The following CNDP1 variants were observed in gnomAD, a reference collection of about 807,000 sequenced individuals.
CNDP1 encodes carnosine dipeptidase 1.
A neutral mutation model predicts 58.1 loss-of-function variants in CNDP1; 44 were observed. That is an observed-to-expected ratio of 0.76 (90% CI 0.60 to 0.97). CNDP1 has a LOEUF of 0.97. Among genes scored for constraint, CNDP1 ranks in the 50% least tolerant of loss-of-function variants. The pLI is 0.00. For synonymous variants in CNDP1, 254 were observed against 252.6 expected (o/e 1.01, Z -0.05); for missense variants, 616 against 655.1 (o/e 0.94, Z 0.65).
intron 5 of CNDP1, among the ~76,000 whole-genome samples, chr18:74,563,228 A>G (rs370528722): frequency 6.6e-6 from 1 of 152,166 alleles, no homozygotes; most frequent in African/African-American, 2.4e-5. Context: ...CACCTCAGGA[A>G]ATCAGCACAG....
intron 4 of CNDP1, 78 bp downstream of exon 4, chr18:74,561,096 T>A (rs1981185066): frequency 6.5e-7 from 1 of 1,536,258 alleles, no homozygotes; most frequent in Non-Finnish European, 8.8e-7. Context: ...GCTCTGTCCC[T>A]GGGTTTTGGG....
chr18:74,584,830 C>T lies in CNDP1; in HGVS notation c.*268C>T, dbSNP rs1308786300. On this transcript the variant is annotated 3_prime_UTR_variant, in exon 12 of 12. Transcript: ENST00000358821. ...GATTTCCCCAAGTCCTGTGCAATAGCCCCAGGATTGGATTCCTTCAAACCT... is the reference window on the plus strand; with the variant it reads ...GATTTCCCCAAGTCCTGTGCAATAGTCCCAGGATTGGATTCCTTCAAACCT... 1.5e-5 allele frequency: 6 copies of T among 403,604 alleles called. No individual in the cohort carries two copies. The East Asian group carries it at 2.3e-4, about 15-fold the overall frequency. 25.0% of individuals were successfully genotyped at this position (403,604 alleles called of 1,614,324 possible).
intron 5 of CNDP1, among the ~76,000 whole-genome samples, chr18:74,565,663 C>T (rs78820941): frequency 0.25 from 37,616 of 152,182 alleles, 5,395 homozygotes; most frequent in East Asian, 0.52. Context: ...CCCATGGTCT[C>T]GGGTGGCTCT....
At position 74,575,253 on chromosome 18, in the gene CNDP1, A is replaced by C. The variant is rs536515308; in HGVS notation, c.842-1616A>C. 3.3e-5 allele frequency among the ~76,000 whole-genome samples: 5 copies of C among 152,324 alleles called. No homozygotes were observed. The South Asian group carries it at 1.0e-3, about 32-fold the overall frequency. ...GCTGCTTTGTATACTGAGAGAATAA[A>C]GTTGTAATTTAAAATGATGCCGAGA... On this transcript the variant is annotated intron_variant, in intron 7 of 11. Coordinates refer to ENST00000358821, the MANE Select transcript of CNDP1 (RefSeq NM_032649.6).
At chr18:74,550,968 G>A (rs909024006) in intron 1 of CNDP1, among the ~76,000 whole-genome samples, 3 of 152,044 alleles carry the variant, frequency 2.0e-5, no homozygotes, top group African/African-American at 7.2e-5. Context: ...GATACAGTTT[G>A]GATACGTGTC....
At position 74,545,644 on chromosome 18, in the gene CNDP1, T is replaced by A. The variant is rs1980739981; in HGVS notation, c.25-10694T>A. ...GTCCACGTCTCTCTCAACTCCCCAC[T>A]CCCTCCGACCCTCCTCCTCCTCTCT... On this transcript the variant is annotated intron_variant, in intron 1 of 11. Coordinates refer to ENST00000358821, the MANE Select transcript of CNDP1 (RefSeq NM_032649.6). The surrounding 1 kb of genome is among the most constrained non-coding windows in gnomAD (Gnocchi z 4.1). Among the ~76,000 whole-genome samples, 1 of 151,826 alleles carries A rather than the reference T, an allele frequency of 6.6e-6. No homozygotes were observed. Among genetic ancestry groups the A allele is most frequent in the South Asian group, 2.1e-4 (1 of 4,806 alleles).
chr18:74,553,356 T>C (rs1461572151), intron 1 of CNDP1, among the ~76,000 whole-genome samples: 1 of 152,196 alleles, frequency 6.6e-6, no homozygotes, highest in Non-Finnish European at 1.5e-5. Flanking sequence ...GGTAGGAAGA[T>C]TTACAGCTAT....
At chr18:74,538,422 T>C (rs960442675) in intron 1 of CNDP1, among the ~76,000 whole-genome samples, 1 of 152,248 alleles carries the variant, frequency 6.6e-6, no homozygotes, top group Non-Finnish European at 1.5e-5. Flanking sequence ...ACATTTTGTA[T>C]TTATCCATTT....
chr18:74,535,543 C>A (rs1255143559), intron 1 of CNDP1, among the ~76,000 whole-genome samples: 2 of 146,382 alleles, frequency 1.4e-5, no homozygotes, highest in Non-Finnish European at 3.0e-5. Context: ...AGAGAAAGAA[C>A]CTCACCCTGT....
chr18:74,578,198 T>C lies in CNDP1; in HGVS notation c.1038T>C (p.Ser346=). 6.2e-7 allele frequency: 1 copy of C among 1,614,038 alleles called. No individual in the cohort carries two copies. The highest frequency in any genetic ancestry group is 8.5e-7 in the Non-Finnish European group (1 of 1,179,990). Residue 346 remains serine (S), a synonymous_variant, in exon 9 of 12, where the codon TCT becomes TCC. Transcript: ENST00000358821. The stretch of plus-strand genomic sequence containing the variant: ...TAATGCACCTCTGGAGGTACCCATC[T>C]CTTTCTATTCATGGGATCGAGGGCG... The part of the protein sequence containing the change: ...EILMHLWRYP[S]LSIHGIEGAF...
chr18:74,560,406 A>G (rs182446734), intron 3 of CNDP1, among the ~76,000 whole-genome samples: 16 of 152,272 alleles, frequency 1.1e-4, no homozygotes, highest in Admixed American at 2.0e-4. Flanking sequence ...TAGGTTTTAT[A>G]TCTTAATTAA....
chr18:74,541,644 C>A (rs550683958), intron 1 of CNDP1, among the ~76,000 whole-genome samples: 51 of 152,294 alleles, frequency 3.3e-4, no homozygotes, highest in Non-Finnish European at 6.2e-4. Context: ...ACAGGGCAGG[C>A]AGCAGCAAGG....
chr18:74,558,793 G>A (rs1280781127), intron 2 of CNDP1, among the ~76,000 whole-genome samples: 4 of 152,110 alleles, frequency 2.6e-5, no homozygotes, highest in Non-Finnish European at 5.9e-5. Context: ...GTTTAAGCCC[G>A]AGGTCACAGT....
intron 1 of CNDP1, among the ~76,000 whole-genome samples, chr18:74,540,920 G>A (rs993748187): frequency 9.2e-5 from 14 of 152,204 alleles, no homozygotes; most frequent in Admixed American, 2.0e-4. Flanking sequence ...TCTGAGGAAT[G>A]CTGCAAACAT....
intron 1 of CNDP1, among the ~76,000 whole-genome samples, chr18:74,540,886 C>A (rs941006556): frequency 6.6e-6 from 1 of 152,216 alleles, no homozygotes; most frequent in Non-Finnish European, 1.5e-5. Context: ...TGTGTGGAAT[C>A]CCTAACTCAC....
chr18:74,565,422 C>A (rs184003114), intron 5 of CNDP1, among the ~76,000 whole-genome samples: 6 of 152,340 alleles, frequency 3.9e-5, no homozygotes, highest in Admixed American at 3.9e-4. Context: ...AGGCAAGTCC[C>A]TTCCACCTAT....
intron 1 of CNDP1, among the ~76,000 whole-genome samples, chr18:74,544,717 CAAAA>C (rs10562152): frequency 4.7e-5 from 3 of 63,858 alleles, no homozygotes; most frequent in Non-Finnish European, 8.5e-5. Context: ...GGTTCTGTCT[CAAAA>C]AAAAAAAAAA....
chr18:74,560,565 C>T (rs1023039606), intron 3 of CNDP1, among the ~76,000 whole-genome samples: 3 of 151,978 alleles, frequency 2.0e-5, no homozygotes, highest in African/African-American at 7.3e-5. Flanking sequence ...GGTAGCCGGA[C>T]ATGGTGGTGC....
Position 74,583,713 on chromosome 18 carries a change from GC to G in CNDP1, c.1457+6del. On this transcript the variant is annotated splice_donor_region_variant and intron_variant, in intron 11 of 11. Coordinates refer to ENST00000358821, the MANE Select transcript of CNDP1 (RefSeq NM_032649.6). The stretch of plus-strand genomic sequence containing the variant: ...GCAGAATGAGAAAATCAACAGGTCA[GC>G]TGATGCCTGTGCAATGTGCCTCTCT... 1 of 1,614,046 alleles carries G rather than the reference GC, an allele frequency of 6.2e-7. No homozygotes were observed. Among genetic ancestry groups the G allele is most frequent in the African/African-American group, 1.3e-5 (1 of 75,072 alleles).
Sources: allele counts gnomAD v4.1 joint callset (sites outside exome capture counted in the v4.1 genomes callset), GRCh38; gene constraint gnomAD v4.1.1; non-coding constraint Gnocchi (gnomAD v3.1); transcripts MANE v1.5; gene names NCBI Gene and HGNC (gene_info 2026-07-23, HGNC 2026-07-21).